Variants in EDARADD observed in about 807,000 individuals in gnomAD.
EDARADD encodes ectodysplasin-A receptor-associated adapter protein.
In EDARADD, 20 loss-of-function variants were observed where a neutral mutation model predicts 25.6. The ratio of observed to expected loss-of-function variants is 0.78; its 90% CI spans 0.55 to 1.14. The LOEUF (loss-of-function observed/expected upper bound fraction) is 1.14, where lower values mean the gene tolerates loss of function less well. Ranked by LOEUF, EDARADD falls within the 50% of genes most tolerant of loss-of-function variation. The pLI, the probability that EDARADD is intolerant of heterozygous loss-of-function variation, is 0.00. For missense variants in EDARADD, 225 were observed against 270.1 expected, an observed-to-expected ratio of 0.83 and a Z score of 1.17; for synonymous variants, 86 against 94.4, an observed-to-expected ratio of 0.91 and a Z score of 0.52.
At chr1:236,476,891 C>T (rs1231702353) in intron 5 of EDARADD, among the ~76,000 whole-genome samples, 1 of 151,902 alleles carries the variant, frequency 6.6e-6, no homozygotes, top group Non-Finnish European at 1.5e-5. Flanking sequence ...ACTCGGGAGG[C>T]TGAGGCAGGA....
intron 4 of EDARADD, among the ~76,000 whole-genome samples, chr1:236,436,317 C>T (rs565826114): frequency 3.3e-5 from 5 of 152,124 alleles, no homozygotes; most frequent in African/African-American, 4.8e-5. Context: ...CCACTGCACC[C>T]GGCTAATTTT....
chr1:236,395,039 G>T lies in EDARADD; in HGVS notation c.61+534G>T, dbSNP rs1374370114. Among the ~76,000 whole-genome samples the T allele has an allele frequency of 6.6e-6, 1 of 152,238 alleles. No individual in the cohort carries two copies. The highest frequency in any genetic ancestry group is 1.5e-5 in the Non-Finnish European group (1 of 68,038). ...GCGTGTGCCATCATGCAGCGGCAGA[G>T]CCTGCTTAAAGATCAGGAAATTTGT... is the stretch of plus-strand genomic sequence containing the variant. On this transcript the variant is annotated intron_variant, in intron 1 of 5. Transcript: ENST00000334232. The surrounding 1 kb of genome is among the most constrained non-coding windows in gnomAD (Gnocchi z 6.9).
chr1:236,464,928 C>T (rs1194627218), intron 4 of EDARADD, among the ~76,000 whole-genome samples: 2 of 152,122 alleles, frequency 1.3e-5, no homozygotes, highest in Admixed American at 1.3e-4. Flanking sequence ...TTTTCATCTC[C>T]TGCCCTGGCC....
intron 4 of EDARADD, among the ~76,000 whole-genome samples, chr1:236,435,360 C>T (rs977771909): frequency 9.2e-5 from 14 of 152,212 alleles, no homozygotes; most frequent in African/African-American, 2.7e-4. Context: ...TTGTCTTCAC[C>T]CATTGATTAG....
intron 3 of EDARADD, among the ~76,000 whole-genome samples, chr1:236,351,397 C>T (rs903902089): frequency 4.6e-5 from 7 of 152,086 alleles, no homozygotes; most frequent in African/African-American, 1.7e-4. Flanking sequence ...TGTCCAGGCT[C>T]TTGACACCCT....
At chr1:236,372,962 C>A (rs1667188593) in intron 3 of EDARADD, among the ~76,000 whole-genome samples, 1 of 136,448 alleles carries the variant, frequency 7.3e-6, no homozygotes. Context: ...GTTACCCAGG[C>A]TGGAGTGCAG....
intron 4 of EDARADD, among the ~76,000 whole-genome samples, chr1:236,468,014 G>C (rs1024029913): frequency 5.3e-5 from 8 of 152,134 alleles, no homozygotes; most frequent in African/African-American, 1.9e-4. Flanking sequence ...GGACAGCACA[G>C]GGAGCAAATA....
At chr1:236,430,439 G>A (rs1419363830) in intron 4 of EDARADD, among the ~76,000 whole-genome samples, 1 of 152,150 alleles carries the variant, frequency 6.6e-6, no homozygotes, top group African/African-American at 2.4e-5. Flanking sequence ...AACCACTTAA[G>A]ATGAGGTACA....
At chr1:236,394,616 C>G (rs1667481884) in intron 1 of EDARADD, 111 bp downstream of exon 1, 2 of 904,056 alleles carry the variant, frequency 2.2e-6, no homozygotes, top group Admixed American at 5.8e-5. Flanking sequence ...CTATTATTAT[C>G]TTTTTCGACC....
At chr1:236,458,590 A>C (rs1010453332) in intron 4 of EDARADD, among the ~76,000 whole-genome samples, 8 of 149,142 alleles carry the variant, frequency 5.4e-5, no homozygotes, top group African/African-American at 2.0e-4. Context: ...AGAAAACAGC[A>C]TGATTTTCAG....
At chr1:236,478,470 A>G (rs545438066) in intron 5 of EDARADD, among the ~76,000 whole-genome samples, 22 of 150,834 alleles carry the variant, frequency 1.5e-4, no homozygotes, top group East Asian at 5.8e-4. Flanking sequence ...GTGTGTGTGT[A>G]TATATATATG....
chr1:236,393,398 T>C (rs867150726), upstream of EDARADD, among the ~76,000 whole-genome samples: 1,576 of 125,146 alleles, frequency 0.013, 23 homozygotes, highest in African/African-American at 0.046. Flanking sequence ...TTTCTTTTTT[T>C]TTTTTTTTTT....
intron 5 of EDARADD, among the ~76,000 whole-genome samples, chr1:236,479,168 TAAAAAAG>T (rs1259581005): frequency 3.3e-5 from 5 of 150,974 alleles, no homozygotes; most frequent in South Asian, 4.2e-4. Flanking sequence ...CCATGGAAAT[TAAAAAAG>T]AAAAAAGAAA....
At position 236,452,037 on chromosome 1, in the gene EDARADD, C is replaced by T. The variant is rs1426936614; in HGVS notation, c.220-16194C>T. On this transcript the variant is annotated intron_variant, in intron 4 of 5. Transcript: ENST00000334232. ...CCCACTGTGCCATCATCCAGGGCGG[C>T]TCCAGCTAGCATCTTGCTTCCTCAT... 2.0e-5 allele frequency among the ~76,000 whole-genome samples: 3 copies of T among 152,226 alleles called. No homozygotes were observed. The East Asian group carries it at 5.8e-4, about 29-fold the overall frequency.
At chr1:236,465,089 A>G (rs1659151445) in intron 4 of EDARADD, among the ~76,000 whole-genome samples, 2 of 152,116 alleles carry the variant, frequency 1.3e-5, no homozygotes, top group South Asian at 4.1e-4. Context: ...TCGCATCTCT[A>G]CAGCGGCTCT....
intron 5 of EDARADD, among the ~76,000 whole-genome samples, chr1:236,481,093 T>C (rs1242499881): frequency 6.6e-6 from 1 of 152,230 alleles, no homozygotes; most frequent in Non-Finnish European, 1.5e-5. Context: ...CCTGGCACTA[T>C]CAACTCTCAC....
intron 4 of EDARADD, among the ~76,000 whole-genome samples, chr1:236,445,967 T>C (rs1382050155): frequency 2.6e-5 from 4 of 152,222 alleles, no homozygotes; most frequent in African/African-American, 7.2e-5. Context: ...CTTTCAGGAT[T>C]GGCAGGTCTA....
intron 5 of EDARADD, among the ~76,000 whole-genome samples, chr1:236,474,879 T>TC (rs1355493382): frequency 6.6e-6 from 1 of 152,214 alleles, no homozygotes; most frequent in Non-Finnish European, 1.5e-5. Context: ...ACGCCTGTAG[T>TC]CCCAGCACTT....
At chr1:236,410,451 T>C (rs1657436623) in intron 2 of EDARADD, among the ~76,000 whole-genome samples, 2 of 152,172 alleles carry the variant, frequency 1.3e-5, no homozygotes, top group Non-Finnish European at 1.5e-5. Context: ...GCTGCCATCA[T>C]TATTTTTCAA....
Sources: allele counts gnomAD v4.1 joint callset (sites outside exome capture counted in the v4.1 genomes callset), GRCh38; gene constraint gnomAD v4.1.1; non-coding constraint Gnocchi (gnomAD v3.1); transcripts MANE v1.5; gene names NCBI Gene and HGNC (gene_info 2026-07-23, HGNC 2026-07-21).